Variants in ZYG11A observed in about 807,000 individuals in gnomAD.
ZYG11A encodes the protein protein zyg-11 homolog A.
Under a neutral mutation model 77.2 loss-of-function variants are expected in ZYG11A, and 62 were observed. The ratio of observed to expected loss-of-function variants is 0.80; its 90% CI spans 0.65 to 0.99. The LOEUF is 0.99. Among genes scored for constraint, ZYG11A ranks in the 50% least tolerant of loss-of-function variants. ZYG11A has a pLI of 0.00. For missense variants in ZYG11A, 828 were observed against 896.8 expected, an observed-to-expected ratio of 0.92 and a Z score of 0.98; for synonymous variants, 315 against 324.6, an observed-to-expected ratio of 0.97 and a Z score of 0.32.
At chr1:52,845,734 A>C (rs1223490329) in intron 1 of ZYG11A, among the ~76,000 whole-genome samples, 1 of 150,528 alleles carries the variant, frequency 6.6e-6, no homozygotes, top group Non-Finnish European at 1.5e-5. Context: ...GGGAGGAGAG[A>C]GTCTCACTCT....
intron 11 of ZYG11A, 76 bp downstream of exon 11, chr1:52,881,741 A>T: frequency 1.1e-5 from 13 of 1,149,842 alleles, no homozygotes; most frequent in African/African-American, 1.6e-5. Flanking sequence ...CTAAATCATA[A>T]TAATATGATT....
At chr1:52,892,699 TC>T in intron 13 of ZYG11A, 82 bp from the exon 14 acceptor site, 1 of 1,216,312 alleles carries the variant, frequency 8.2e-7, no homozygotes, top group Non-Finnish European at 1.2e-6. Flanking sequence ...TTGTATTGTT[TC>T]TTCAGCAAGG....
At position 52,843,029 on chromosome 1, in the gene ZYG11A, C is replaced by T. The variant is rs1645480828; in HGVS notation, c.90+56C>T. 2.1e-6 allele frequency: 3 copies of T among 1,419,908 alleles called. No homozygotes were observed. The Admixed American group carries it at 7.9e-5, about 37-fold the overall frequency. 88.0% of individuals were successfully genotyped at this position (1,419,908 alleles called of 1,614,324 possible). ...ACCTCGGCGCCACGTCCAGCTCCGG[C>T]GAGCGCGGCGAGTCTCCTGGGACGC... On this transcript the variant is annotated intron_variant, in intron 1 of 13. Coordinates refer to ENST00000371528, the MANE Select transcript of ZYG11A (RefSeq NM_001004339.3).
At chr1:52,855,825 T>C (rs1332452110) in intron 2 of ZYG11A, among the ~76,000 whole-genome samples, 2 of 152,224 alleles carry the variant, frequency 1.3e-5, no homozygotes, top group Non-Finnish European at 2.9e-5. Context: ...ACATTTGTGG[T>C]GTTCTCACTT....
intron 4 of ZYG11A, 134 bp from the exon 5 acceptor site, chr1:52,863,847 A>G: frequency 2.6e-6 from 2 of 775,010 alleles, no homozygotes; most frequent in East Asian, 2.9e-5. Flanking sequence ...TGATGTTCTA[A>G]AGAATAAATG....
At chr1:52,854,424 G>A in intron 1 of ZYG11A, 41 bp from the exon 2 acceptor site, 1 of 1,505,118 alleles carries the variant, frequency 6.6e-7, no homozygotes, top group South Asian at 1.3e-5. Context: ...AATTGTTGCA[G>A]ATGTATTCTA....
intron 3 of ZYG11A, among the ~76,000 whole-genome samples, chr1:52,858,925 G>A (rs1571846483): frequency 6.6e-6 from 1 of 152,060 alleles, no homozygotes; most frequent in South Asian, 2.1e-4. Flanking sequence ...CAGAGCTGTT[G>A]TTTTAAAGTA....
intron 2 of ZYG11A, 131 bp downstream of exon 2, chr1:52,854,761 C>T: frequency 1.0e-6 from 1 of 960,956 alleles, no homozygotes; most frequent in Non-Finnish European, 1.4e-6. Flanking sequence ...GAGACTCACT[C>T]TTTCTGGGAT....
intron 8 of ZYG11A, among the ~76,000 whole-genome samples, chr1:52,870,028 C>CAA (rs1646122484): frequency 6.7e-6 from 1 of 148,288 alleles, no homozygotes; most frequent in Non-Finnish European, 1.5e-5. Context: ...ACTTCTCAGA[C>CAA]GGGGCGGCCA....
At chr1:52,890,675 C>CA (rs1437422996) in intron 13 of ZYG11A, among the ~76,000 whole-genome samples, 1 of 151,840 alleles carries the variant, frequency 6.6e-6, no homozygotes, top group African/African-American at 2.4e-5. Flanking sequence ...GGCACAGTCA[C>CA]AGCTCACTGC....
intron 3 of ZYG11A, among the ~76,000 whole-genome samples, chr1:52,858,605 C>T (rs937205225): frequency 6.6e-6 from 1 of 150,438 alleles, no homozygotes; most frequent in African/African-American, 2.5e-5. Context: ...GCGCCCGGCC[C>T]GATTATTATT....
intron 12 of ZYG11A, 117 bp from the exon 13 acceptor site, chr1:52,886,839 G>T: frequency 3.8e-6 from 1 of 263,370 alleles, no homozygotes; most frequent in Non-Finnish European, 6.9e-6. Flanking sequence ...GAGCCACCAT[G>T]CCCGGCTGTG....
At chr1:52,851,744 TCTTA>T (rs1207165432) in intron 1 of ZYG11A, among the ~76,000 whole-genome samples, 1 of 151,458 alleles carries the variant, frequency 6.6e-6, no homozygotes, top group Non-Finnish European at 1.5e-5. Flanking sequence ...ATTTATTTTA[TCTTA>T]CTTATTTTTT....
At chr1:52,877,900 C>G (rs1441774546) in intron 9 of ZYG11A, 25 bp from the exon 10 acceptor site, 2 of 1,551,274 alleles carry the variant, frequency 1.3e-6, no homozygotes, top group Admixed American at 2.0e-5. Flanking sequence ...ATAAAGTAAC[C>G]TGTATGTATA....
At chr1:52,851,890 G>T (rs1645719432) in intron 1 of ZYG11A, among the ~76,000 whole-genome samples, 1 of 150,892 alleles carries the variant, frequency 6.6e-6, no homozygotes, top group Admixed American at 6.6e-5. Flanking sequence ...TGGGATTACA[G>T]GCACCCGCCA....
At position 52,859,667 on chromosome 1, in the gene ZYG11A, C is replaced by CTT. The variant is rs60756718; in HGVS notation, c.1009-1037_1009-1036dup. ...TTATTTTTATCTGTTTGTGTATTGC[C>CTT]TTTTTTTTTTTTTTTTTTTTTTTTT... is the stretch of plus-strand genomic sequence containing the variant. On this transcript the variant is annotated intron_variant, in intron 3 of 13. Coordinates refer to ENST00000371528, the MANE Select transcript of ZYG11A (RefSeq NM_001004339.3). 5.8e-4 allele frequency among the ~76,000 whole-genome samples: 25 copies of CTT among 42,942 alleles called. 4 individuals carry two copies. Among genetic ancestry groups the CTT allele is most frequent in the East Asian group, 1.3e-3 (3 of 2,370 alleles). The allele number at this position is 42,942 out of a possible 152,430, so 28.2% of individuals were successfully genotyped here. A position where few individuals can be genotyped will look rare whatever the true frequency, so the allele number is the denominator to read the frequency against.
At chr1:52,854,713 T>G in intron 2 of ZYG11A, 83 bp downstream of exon 2, 5 of 1,262,366 alleles carry the variant, frequency 4.0e-6, no homozygotes, top group Non-Finnish European at 4.2e-6. Context: ...TCTATTGTGA[T>G]TCTCACAAAG....
intron 13 of ZYG11A, among the ~76,000 whole-genome samples, chr1:52,892,049 C>T (rs1430033006): frequency 3.3e-5 from 5 of 150,888 alleles, no homozygotes; most frequent in Admixed American, 6.6e-5. Flanking sequence ...CAGGTGCCCA[C>T]GACCACGCCC....
intron 8 of ZYG11A, among the ~76,000 whole-genome samples, chr1:52,870,410 C>G (rs1646134417): frequency 6.6e-6 from 1 of 151,488 alleles, no homozygotes; most frequent in African/African-American, 2.4e-5. Context: ...CCTCACATCC[C>G]AGACGATGGG....
Sources: gnomAD v4.1 joint callset for allele counts (sites outside exome capture counted in the v4.1 genomes callset) on GRCh38, gnomAD v4.1.1 for gene constraint, MANE v1.5 for transcripts, NCBI Gene and HGNC (gene_info 2026-07-23, HGNC 2026-07-21) for gene names.